DOC2B: variants seen among roughly 807,000 people sequenced by gnomAD.
DOC2B encodes the protein double C2-like domain-containing protein beta.
In DOC2B, 21 loss-of-function variants were observed where a neutral mutation model predicts 28.9. The observed-to-expected ratio is 0.73, with a 90% CI of 0.52 to 1.05. DOC2B has a LOEUF of 1.05. DOC2B is among the 50% of genes least tolerant of loss of function. The pLI, the probability that DOC2B is intolerant of heterozygous loss-of-function variation, is 0.00. For missense variants in DOC2B, 384 were observed against 421.1 expected (o/e 0.91, Z 0.77); for synonymous variants, 194 against 178.1 (o/e 1.09, Z -0.71).
At chr17:150,443 G>C (rs2040060532) in intron 6 of DOC2B, among the ~76,000 whole-genome samples, 1 of 152,026 alleles carries the variant, frequency 6.6e-6, no homozygotes, top group South Asian at 2.1e-4. Flanking sequence ...ACCGCCCAAA[G>C]ACACGCCCAT....
At chr17:151,280 A>G (rs564550055) in intron 6 of DOC2B, among the ~76,000 whole-genome samples, 33 of 152,296 alleles carry the variant, frequency 2.2e-4, no homozygotes, top group Non-Finnish European at 4.1e-4. Context: ...TAAAAAAAGA[A>G]AAGAAAAGAA....
intron 8 of DOC2B, 69 bp downstream of exon 8, chr17:148,104 G>A: frequency 5.0e-6 from 2 of 398,366 alleles, no homozygotes; most frequent in Non-Finnish European, 8.9e-6. Context: ...CATGGACCAG[G>A]AAAGAGGGGC....
intron 1 of DOC2B, among the ~76,000 whole-genome samples, chr17:179,536 A>T (rs1487432274): frequency 2.6e-5 from 4 of 152,210 alleles, no homozygotes; most frequent in Admixed American, 2.6e-4. Context: ...AATGGGAACA[A>T]CTTTCCCATC....
rs1480732846 is a variant in DOC2B, at chr17:148,371, A to T, written c.1006-102T>A. 29 of 397,310 alleles carry T rather than the reference A, an allele frequency of 7.3e-5. No homozygotes were observed. In the East Asian group the frequency reaches 1.0e-3, roughly 14 times the overall value. The allele number at this position is 397,310 out of a possible 1,614,324, so 24.6% of individuals were successfully genotyped here. Reference sequence around the variant, plus strand: ...TAGGGACAGAGGAGGGATGGGGGTGATCAGTGCTCAGAGTGGATGATGGGT... The same window carrying T: ...TAGGGACAGAGGAGGGATGGGGGTGTTCAGTGCTCAGAGTGGATGATGGGT... On this transcript the variant is annotated intron_variant, in intron 7 of 8. Transcript: ENST00000613549.
chr17:145,103 G>C lies in DOC2B; in HGVS notation c.*2338C>G, dbSNP rs2040009550. ...CCCTTGCCTCAGCCCCCAGAGGCTA[G>C]GGTGGGGTGGCTGAGTTTTGGGGCC... On this transcript the variant is annotated 3_prime_UTR_variant, in exon 9 of 9. Transcript: ENST00000613549. 2 of 152,246 alleles carry C rather than the reference G, an allele frequency of 1.3e-5. No individual in the cohort carries two copies. Among genetic ancestry groups the C allele is most frequent in the African/African-American group, 2.4e-5 (1 of 41,458 alleles). The allele number at this position is 152,246 out of a possible 1,614,324, so 9.4% of individuals were successfully genotyped here.
intron 5 of DOC2B, among the ~76,000 whole-genome samples, chr17:160,771 C>A (rs1405591681): frequency 6.6e-6 from 1 of 152,138 alleles, no homozygotes; most frequent in Admixed American, 6.5e-5. Context: ...ACTCAGAGGG[C>A]GTAGCTGCTG....
At position 143,805 on chromosome 17, in the gene DOC2B, G is replaced by T. The variant is rs1234670861; in HGVS notation, c.*3636C>A. On this transcript the variant is annotated 3_prime_UTR_variant, in exon 9 of 9. Coordinates refer to ENST00000613549, the MANE Select transcript of DOC2B (RefSeq NM_003585.5). ...TCAGACCAAAATACAAAACTTGTCT[G>T]TGGGACTGCAGTTTGAGGACAGTGT... The T allele has an allele frequency of 2.6e-5, 4 of 152,078 alleles. No homozygotes were observed. In the East Asian group the frequency reaches 7.7e-4, roughly 29 times the overall value. 9.4% of individuals were successfully genotyped at this position (152,078 alleles called of 1,614,324 possible). A position where few individuals can be genotyped will look rare whatever the true frequency, so the allele number is the denominator to read the frequency against.
Position 146,202 on chromosome 17 carries a change from A to C in DOC2B, c.*1239T>G, listed in dbSNP as rs2040017384. 6.6e-6 allele frequency: 1 copy of C among 152,300 alleles called. No homozygotes were observed. Among genetic ancestry groups the C allele is most frequent in the African/African-American group, 2.4e-5 (1 of 41,446 alleles). The allele number at this position is 152,300 out of a possible 1,614,324, so 9.4% of individuals were successfully genotyped here. A position where few individuals can be genotyped will look rare whatever the true frequency, so the allele number is the denominator to read the frequency against. On this transcript the variant is annotated 3_prime_UTR_variant, in exon 9 of 9. Transcript: ENST00000613549. ...CGGCCACTGATTACTCCCAAAAGGG[A>C]CATCTGTGGCGGTAGTGGGACCAAG...
intron 3 of DOC2B, among the ~76,000 whole-genome samples, chr17:162,980 G>A (rs549958004): frequency 7.2e-5 from 11 of 152,096 alleles, no homozygotes; most frequent in South Asian, 2.1e-4. Context: ...TGCCACACCC[G>A]GCCCAGGCTG....
At chr17:177,963 T>A (rs138102631) in intron 1 of DOC2B, among the ~76,000 whole-genome samples, 3,814 of 152,342 alleles carry the variant, frequency 0.025, 158 homozygotes, top group African/African-American at 0.087. Context: ...GGGCATGTGA[T>A]CCAATTCTGG....
At position 155,745 on chromosome 17, in the gene DOC2B, C is replaced by T. The variant is rs536322237; in HGVS notation, c.923+475G>A. 2.1e-4 allele frequency among the ~76,000 whole-genome samples: 32 copies of T among 152,332 alleles called. No individual in the cohort carries two copies. The South Asian group carries it at 6.4e-3, about 31-fold the overall frequency. ...CCCTGAGTTAGTGTCTCTCCCCAGG[C>T]CCACCATCAGCCCTGTTGGTAGAGC... On this transcript the variant is annotated intron_variant, in intron 6 of 8. Coordinates refer to ENST00000613549, the MANE Select transcript of DOC2B (RefSeq NM_003585.5).
At chr17:152,296 C>T (rs745717581) in intron 6 of DOC2B, among the ~76,000 whole-genome samples, 13 of 152,200 alleles carry the variant, frequency 8.5e-5, no homozygotes, top group Non-Finnish European at 1.8e-4. Flanking sequence ...GGCTGCTGAG[C>T]GCGTCACACG....
At chr17:158,973 G>T (rs1206180682) in intron 5 of DOC2B, among the ~76,000 whole-genome samples, 1 of 151,634 alleles carries the variant, frequency 6.6e-6, no homozygotes, top group Non-Finnish European at 1.5e-5. Context: ...GAACCCGGGA[G>T]GCGGAGGTTG....
At chr17:152,906 C>G (rs2040087472) in intron 6 of DOC2B, among the ~76,000 whole-genome samples, 1 of 152,242 alleles carries the variant, frequency 6.6e-6, no homozygotes, top group Admixed American at 6.5e-5. Context: ...AGGTCACACT[C>G]TCTTCCAGGT....
In DOC2B at chr17:143,935, G is replaced by T; in HGVS notation, c.*3506C>A. 1 of 151,642 alleles carries T rather than the reference G, an allele frequency of 6.6e-6. No individual in the cohort carries two copies. Among genetic ancestry groups the T allele is most frequent in the South Asian group, 2.0e-4 (1 of 5,000 alleles). The allele number at this position is 151,642 out of a possible 1,614,324, so 9.4% of individuals were successfully genotyped here. ...CGGGAGGTTCACTCGGTTTGCGAAG[G>T]AACAACGGGCTCGGCATGCACGGCC... is the stretch of plus-strand genomic sequence containing the variant. On this transcript the variant is annotated 3_prime_UTR_variant, in exon 9 of 9. Transcript: ENST00000613549.
chr17:156,975 A>C (rs142414832), intron 5 of DOC2B, among the ~76,000 whole-genome samples: 1 of 152,336 alleles, frequency 6.6e-6, no homozygotes, highest in Non-Finnish European at 1.5e-5. Flanking sequence ...GCTTCCATTA[A>C]CACCGTGTTG....
intron 1 of DOC2B, 142 bp downstream of exon 1, chr17:180,965 G>C: frequency 1.5e-6 from 1 of 664,528 alleles, no homozygotes; most frequent in Non-Finnish European, 2.1e-6. Context: ...TGCGCCAGGG[G>C]CCCGCAAGCC....
rs1186290799 is a variant in DOC2B, at chr17:164,167, G to T, written c.491C>A (p.Pro164His). 7 of 1,554,268 alleles carry T rather than the reference G, an allele frequency of 4.5e-6. No homozygotes were observed. Among genetic ancestry groups the T allele is most frequent in the Non-Finnish European group, 6.1e-6 (7 of 1,148,246 alleles). The change falls in exon 3 of 9, where the codon CCC becomes CAC. Residue 164 changes from proline (P) to histidine (H), a missense_variant. Coordinates refer to ENST00000613549, the MANE Select transcript of DOC2B (RefSeq NM_003585.5). ...TGGCAGCAGGTGCAGCTTGACGTAG[G>T]GGTCTGCCAGCCCATTGTGGTCCAT... is the stretch of plus-strand genomic sequence containing the variant. ...KPMDHNGLAD[P>H]YVKLHLLPGA...
chr17:162,918 C>T (rs531742757), intron 3 of DOC2B, among the ~76,000 whole-genome samples: 18 of 152,282 alleles, frequency 1.2e-4, no homozygotes, highest in African/African-American at 4.3e-4. Context: ...GCTGCCACTC[C>T]CTCCTCCTGT....
Sources: gnomAD v4.1 joint callset for allele counts (sites outside exome capture counted in the v4.1 genomes callset) on GRCh38, gnomAD v4.1.1 for gene constraint, MANE v1.5 for transcripts, NCBI Gene and HGNC (gene_info 2026-07-23, HGNC 2026-07-21) for gene names.